The following OTOGL variants were observed in gnomAD, a reference collection of about 807,000 sequenced individuals.
OTOGL encodes otogelin-like protein.
In OTOGL, 285 loss-of-function variants were observed where a neutral mutation model predicts 318.5. That is an observed-to-expected ratio of 0.89 (90% CI 0.81 to 0.99). The LOEUF (loss-of-function observed/expected upper bound fraction) is 0.99, where lower values mean the gene tolerates loss of function less well. Among genes scored for constraint, OTOGL ranks in the 50% least tolerant of loss-of-function variants. The pLI, the probability that OTOGL is intolerant of heterozygous loss-of-function variation, is 0.00. For synonymous variants in OTOGL, 987 were observed against 936.5 expected, an observed-to-expected ratio of 1.05 and a Z score of -0.99; for missense variants, 2,899 against 2,845.6, an observed-to-expected ratio of 1.02 and a Z score of -0.43.
intron 1 of OTOGL, among the ~76,000 whole-genome samples, chr12:80,156,447 A>G (rs556006574): frequency 2.0e-5 from 3 of 152,260 alleles, no homozygotes; most frequent in East Asian, 1.9e-4. Flanking sequence ...CTGTCCCTCT[A>G]GAGAACCCTG....
At chr12:80,238,643 C>A (rs1440787780) in intron 9 of OTOGL, among the ~76,000 whole-genome samples, 28 of 152,128 alleles carry the variant, frequency 1.8e-4, no homozygotes. Context: ...TCCAATGGAA[C>A]TAACTTTTAT....
At chr12:80,233,201 G>C (rs1879536647) in intron 9 of OTOGL, 104 bp downstream of exon 9, 5 of 1,045,550 alleles carry the variant, frequency 4.8e-6, no homozygotes, top group Non-Finnish European at 6.7e-6. Flanking sequence ...GGGAAAATTT[G>C]TGGCTGTCAC....
At chr12:80,199,148 C>T (rs1435713334) in intron 1 of OTOGL, among the ~76,000 whole-genome samples, 1 of 152,192 alleles carries the variant, frequency 6.6e-6, no homozygotes, top group Non-Finnish European at 1.5e-5. Flanking sequence ...TGAATGACCT[C>T]ACTTTGCTAT....
At chr12:80,377,238 C>T in intron 58 of OTOGL, 36 bp downstream of exon 58, 3 of 1,486,952 alleles carry the variant, frequency 2.0e-6, no homozygotes, top group Non-Finnish European at 2.8e-6. Flanking sequence ...CATAAATGCA[C>T]ACATCTTTTT....
At chr12:80,351,014 C>G (rs1461577515) in intron 44 of OTOGL, among the ~76,000 whole-genome samples, 1 of 151,964 alleles carries the variant, frequency 6.6e-6, no homozygotes, top group Admixed American at 6.6e-5. Context: ...CTGTTTTTGT[C>G]TAGTGGTTTT....
intron 44 of OTOGL, among the ~76,000 whole-genome samples, chr12:80,347,329 T>C (rs995910226): frequency 5.9e-5 from 9 of 152,006 alleles, no homozygotes; most frequent in Non-Finnish European, 8.8e-5. Context: ...TGTATGATGT[T>C]CCCCTCCCTG....
intron 57 of OTOGL, among the ~76,000 whole-genome samples, chr12:80,375,906 T>C (rs2138121018): frequency 6.6e-6 from 1 of 151,966 alleles, no homozygotes; most frequent in South Asian, 2.1e-4. Flanking sequence ...AAGAGGTTAG[T>C]GAAAAGAGAT....
chr12:80,238,354 G>A (rs1317590264), intron 9 of OTOGL, among the ~76,000 whole-genome samples: 1 of 151,792 alleles, frequency 6.6e-6, no homozygotes, highest in African/African-American at 2.4e-5. Context: ...ACTGTCCTCT[G>A]AAATGTCCCA....
chr12:80,295,570 G>T (rs1885338580), intron 26 of OTOGL, among the ~76,000 whole-genome samples: 1 of 152,158 alleles, frequency 6.6e-6, no homozygotes. Context: ...AAGTGTGTGT[G>T]GGCCTTTGAA....
intron 1 of OTOGL, chr12:80,208,346 G>A (rs1876975603): frequency 2.4e-6 from 1 of 414,302 alleles, no homozygotes; most frequent in African/African-American, 2.1e-5. Context: ...AGACTCAGAA[G>A]TCATTGCAGA....
chr12:80,146,964 T>A (rs1269158323), intron 1 of OTOGL, among the ~76,000 whole-genome samples: 1 of 152,210 alleles, frequency 6.6e-6, no homozygotes, highest in African/African-American at 2.4e-5. Flanking sequence ...TCTTTATTAG[T>A]CTTGCTAGTT....
chr12:80,253,530 A>G lies in OTOGL; in HGVS notation c.1350A>G (p.Leu450=), dbSNP rs557104053. ...ATTGCCCATGCGGTTTTCATGGATT[A>G]GCTTATTCAGTTGGTTCAAAAATTG... ...LENCPCGFHG[L]AYSVGSKIEQ... Residue 450 remains leucine, a synonymous_variant, in exon 14 of 59, where the codon TTA becomes TTG. Transcript: ENST00000547103. 423 of 1,613,202 alleles carry G rather than the reference A, an allele frequency of 2.6e-4. 2 individuals are homozygous for G. The South Asian group carries it at 4.2e-3, about 16-fold the overall frequency.
At chr12:80,341,888 A>T in intron 43 of OTOGL, 60 bp from the exon 44 acceptor site, 1 of 1,084,572 alleles carries the variant, frequency 9.2e-7, no homozygotes, top group Non-Finnish European at 1.3e-6. Context: ...TAACTGATTT[A>T]GTTGTGCTGT....
At chr12:80,243,845 A>G (rs1279778897) in intron 11 of OTOGL, among the ~76,000 whole-genome samples, 1 of 134,540 alleles carries the variant, frequency 7.4e-6, no homozygotes, top group East Asian at 1.9e-4. Flanking sequence ...TAATATAATC[A>G]TATATACATA....
At chr12:80,138,336 A>G (rs1871712172) in intron 1 of OTOGL, among the ~76,000 whole-genome samples, 1 of 152,206 alleles carries the variant, frequency 6.6e-6, no homozygotes. Flanking sequence ...AATAGTGATC[A>G]TAATATCTCT....
chr12:80,141,287 T>C (rs998539320), intron 1 of OTOGL, among the ~76,000 whole-genome samples: 4 of 152,166 alleles, frequency 2.6e-5, no homozygotes, highest in African/African-American at 9.7e-5. Context: ...GCCTCATTTG[T>C]GTAACTTTAA....
intron 1 of OTOGL, among the ~76,000 whole-genome samples, chr12:80,152,974 A>C (rs997623562): frequency 3.3e-5 from 5 of 152,240 alleles, no homozygotes; most frequent in African/African-American, 1.2e-4. Flanking sequence ...GATTACAGGC[A>C]TGAGCAACCG....
At chr12:80,363,388 C>T (rs965796696) in intron 52 of OTOGL, among the ~76,000 whole-genome samples, 1 of 152,030 alleles carries the variant, frequency 6.6e-6, no homozygotes, top group Non-Finnish European at 1.5e-5. Context: ...AGCACTAAAA[C>T]ATTAGAGGGC....
At chr12:80,354,769 A>G (rs184784973) in intron 46 of OTOGL, among the ~76,000 whole-genome samples, 2 of 152,288 alleles carry the variant, frequency 1.3e-5, no homozygotes, top group Admixed American at 1.3e-4. Flanking sequence ...GTTTGATAGC[A>G]AATAGGATAA....
Sources: allele counts gnomAD v4.1 joint callset (sites outside exome capture counted in the v4.1 genomes callset), GRCh38; gene constraint gnomAD v4.1.1; transcripts MANE v1.5; gene names NCBI Gene and HGNC (gene_info 2026-07-23, HGNC 2026-07-21).